MAD1L1: variants seen among roughly 807,000 people sequenced by gnomAD.
The protein encoded by MAD1L1 is mitotic arrest deficient 1 like 1.
MAD1L1 carries 95 observed loss-of-function variants against 96.9 expected under a neutral mutation model. That is an observed-to-expected ratio of 0.98 (90% CI 0.83 to 1.16). The LOEUF (loss-of-function observed/expected upper bound fraction) is 1.16. Among genes scored for constraint, MAD1L1 ranks in the 50% most tolerant of loss-of-function variants. The pLI is 0.00. For missense variants in MAD1L1, 1,007 were observed against 954.4 expected (o/e 1.06, Z -0.73); for synonymous variants, 473 against 396.6 (o/e 1.19, Z -2.29).
intron 11 of MAD1L1, among the ~76,000 whole-genome samples, chr7:2,117,692 C>A (rs900683193): frequency 1.3e-5 from 2 of 152,176 alleles, no homozygotes; most frequent in Non-Finnish European, 2.9e-5. Flanking sequence ...CCTGAGGCCT[C>A]CCCAGCCATG....
intron 3 of MAD1L1, among the ~76,000 whole-genome samples, chr7:2,228,662 CATAT>C (rs56009551): frequency 2.1e-4 from 31 of 151,078 alleles, no homozygotes; most frequent in Admixed American, 2.0e-3. Context: ...TACACACACA[CATAT>C]ATATATATAT....
chr7:1,897,217 G>T (rs1481792764), intron 18 of MAD1L1, among the ~76,000 whole-genome samples: 2 of 88,674 alleles, frequency 2.3e-5, no homozygotes, highest in Non-Finnish European at 4.3e-5. Flanking sequence ...TGACGGACAT[G>T]CGTAGGCCGC....
intron 17 of MAD1L1, among the ~76,000 whole-genome samples, chr7:1,903,724 A>C (rs1380346991): frequency 1.5e-5 from 1 of 65,546 alleles, no homozygotes; most frequent in African/African-American, 6.5e-5. Flanking sequence ...TCCAGGCAGC[A>C]AGGATGCAGT....
At chr7:1,823,239 C>T (rs1383533946) in intron 18 of MAD1L1, among the ~76,000 whole-genome samples, 1 of 152,074 alleles carries the variant, frequency 6.6e-6, no homozygotes, top group Non-Finnish European at 1.5e-5. Flanking sequence ...TGACCGAAAC[C>T]TCACATCTCA....
At chr7:1,829,254 C>A (rs1030862250) in intron 18 of MAD1L1, among the ~76,000 whole-genome samples, 1 of 152,252 alleles carries the variant, frequency 6.6e-6, no homozygotes, top group Non-Finnish European at 1.5e-5. Context: ...ACAGCGGATG[C>A]AAAGTGGGGC....
intron 18 of MAD1L1, among the ~76,000 whole-genome samples, chr7:1,816,633 A>G (rs1016791402): frequency 1.3e-5 from 2 of 152,002 alleles, no homozygotes; most frequent in Non-Finnish European, 2.9e-5. Flanking sequence ...CCTGGGCCCC[A>G]TGACCTAGTT....
At chr7:1,858,503 C>T (rs1784367401) in intron 18 of MAD1L1, among the ~76,000 whole-genome samples, 1 of 152,230 alleles carries the variant, frequency 6.6e-6, no homozygotes, top group Admixed American at 6.5e-5. Flanking sequence ...TGTGGTGCCC[C>T]CACCTCTGCA....
chr7:2,055,416 C>T (rs1784346808), intron 12 of MAD1L1, among the ~76,000 whole-genome samples: 1 of 152,168 alleles, frequency 6.6e-6, no homozygotes, highest in Admixed American at 6.5e-5. Context: ...CGGAGCAGCA[C>T]AGGAGCGCCA....
intron 16 of MAD1L1, among the ~76,000 whole-genome samples, chr7:1,945,473 G>A (rs1009005087): frequency 6.6e-6 from 1 of 152,228 alleles, no homozygotes; most frequent in African/African-American, 2.4e-5. Flanking sequence ...GAAAGGGCTT[G>A]GAACCCTTCT....
chr7:2,061,071 G>A (rs1490698758), intron 12 of MAD1L1, among the ~76,000 whole-genome samples: 1 of 152,250 alleles, frequency 6.6e-6, no homozygotes, highest in Admixed American at 6.5e-5. Flanking sequence ...GGATACAGTG[G>A]CTCACGCCTG....
At chr7:1,824,609 C>A (rs4631355) in intron 18 of MAD1L1, among the ~76,000 whole-genome samples, 63,609 of 151,982 alleles carry the variant, frequency 0.42, 13,481 homozygotes, top group Non-Finnish European at 0.45. Context: ...CCCGGAGCCC[C>A]CAGGCTTCCC....
intron 17 of MAD1L1, among the ~76,000 whole-genome samples, chr7:1,934,870 A>T (rs1331146455): frequency 2.6e-5 from 4 of 151,866 alleles, no homozygotes; most frequent in Admixed American, 2.0e-4. Flanking sequence ...CAGGTGAACG[A>T]ACAGACGGGC....
At chr7:2,036,543 A>G (rs1240962256) in intron 12 of MAD1L1, among the ~76,000 whole-genome samples, 1 of 152,204 alleles carries the variant, frequency 6.6e-6, no homozygotes, top group Non-Finnish European at 1.5e-5. Flanking sequence ...AAAGGCCAAT[A>G]TATCAAAATT....
intron 11 of MAD1L1, among the ~76,000 whole-genome samples, chr7:2,134,731 A>G (rs1365249240): frequency 6.6e-6 from 1 of 152,204 alleles, no homozygotes; most frequent in East Asian, 1.9e-4. Flanking sequence ...ACCCTCTCTT[A>G]AGGACTAGTC....
At chr7:2,207,330 C>T (rs993064567) in intron 10 of MAD1L1, among the ~76,000 whole-genome samples, 6 of 152,154 alleles carry the variant, frequency 3.9e-5, no homozygotes, top group Non-Finnish European at 7.3e-5. Flanking sequence ...GAGCTGAGTG[C>T]TGGTTGGCAG....
chr7:2,011,401 G>A (rs1782295257), intron 13 of MAD1L1, among the ~76,000 whole-genome samples: 1 of 152,218 alleles, frequency 6.6e-6, no homozygotes, highest in Admixed American at 6.5e-5. Flanking sequence ...AACATGCTTA[G>A]TTCCCAGAGT....
intron 10 of MAD1L1, among the ~76,000 whole-genome samples, chr7:2,153,572 G>A (rs1383725419): frequency 2.6e-5 from 4 of 152,182 alleles, no homozygotes. Flanking sequence ...GGATGCAGAG[G>A]AAAGGGAACT....
At chr7:2,012,664 T>C (rs1243298581) in intron 13 of MAD1L1, among the ~76,000 whole-genome samples, 1 of 152,122 alleles carries the variant, frequency 6.6e-6, no homozygotes, top group Non-Finnish European at 1.5e-5. Context: ...TGCCTGAGGG[T>C]GGTCTCACAC....
intron 12 of MAD1L1, among the ~76,000 whole-genome samples, chr7:2,031,224 G>A (rs949926011): frequency 1.3e-5 from 2 of 152,104 alleles, no homozygotes; most frequent in African/African-American, 4.8e-5. Flanking sequence ...GCTGCACCAG[G>A]CACACAGAGC....
Sources: gnomAD v4.1 joint callset for allele counts (sites outside exome capture counted in the v4.1 genomes callset) on GRCh38, gnomAD v4.1.1 for gene constraint, MANE v1.5 for transcripts, NCBI Gene and HGNC (gene_info 2026-07-23, HGNC 2026-07-21) for gene names.